Variants in NHSL1 observed in about 807,000 individuals in gnomAD.
NHSL1 encodes the protein NHS-like protein 1.
NHSL1 carries 48 observed loss-of-function variants against 95.0 expected under a neutral mutation model. The observed-to-expected ratio is 0.51, with a 90% CI of 0.40 to 0.64. The LOEUF is 0.64. Among genes scored for constraint, NHSL1 ranks in the 30% least tolerant of loss-of-function variants. The pLI is 0.00. For synonymous variants in NHSL1, 783 were observed against 833.9 expected (o/e 0.94, Z 1.05); for missense variants, 1,971 against 2,077.7 (o/e 0.95, Z 1.00).
In NHSL1 at chr6:138,430,913, G is replaced by C. The variant is rs755252121; in HGVS notation, c.3432C>G (p.Ser1144Arg). 1.9e-5 allele frequency: 30 copies of C among 1,551,380 alleles called. No individual in the cohort carries two copies. The African/African-American group carries it at 4.0e-4, about 21-fold the overall frequency. ...CACTGCCATGGTCACCCTGACTCGAGCTCTTGGCAGGCGTCGGAAGCGAGC... is the reference window on the plus strand; with the variant it reads ...CACTGCCATGGTCACCCTGACTCGACCTCTTGGCAGGCGTCGGAAGCGAGC... ...VTSSLPTPAK[S>R]SSQGDHGSAA... Residue 1144 changes from serine (S) to arginine (R), a missense_variant, in exon 6 of 8, where the codon AGC (serine) becomes AGG (arginine). This residue lies in a region of NHSL1 where 1,602 missense variants were observed against 1,654.5 expected (regional missense o/e 0.97). Transcript: ENST00000343505. This position sits in a 1 kb window ranked among gnomAD's most constrained non-coding sequence, Gnocchi z 4.7.
chr6:138,514,621 A>T (rs191098853), intron 1 of NHSL1, among the ~76,000 whole-genome samples: 2 of 152,204 alleles, frequency 1.3e-5, no homozygotes, highest in East Asian at 3.9e-4. Flanking sequence ...TCTCTCTCTC[A>T]AAATATCTTA....
At chr6:138,611,889 C>T (rs1197338120) in intron 1 of NHSL1, among the ~76,000 whole-genome samples, 2 of 151,942 alleles carry the variant, frequency 1.3e-5, no homozygotes, top group East Asian at 3.9e-4. Flanking sequence ...GCAGGTGGGT[C>T]ATCTGAGGTC....
intron 1 of NHSL1, among the ~76,000 whole-genome samples, chr6:138,674,233 T>C (rs1785418003): frequency 6.6e-6 from 1 of 152,188 alleles, no homozygotes; most frequent in African/African-American, 2.4e-5. Context: ...GAAAAGGATG[T>C]TGAATTGTAT....
chr6:138,514,356 T>C (rs1471721432), intron 1 of NHSL1, among the ~76,000 whole-genome samples: 9 of 150,850 alleles, frequency 6.0e-5, no homozygotes, highest in Non-Finnish European at 1.0e-4. Flanking sequence ...ACAAACTTTA[T>C]TCTTAGGATG....
At chr6:138,565,323 T>G (rs186925429) in intron 1 of NHSL1, among the ~76,000 whole-genome samples, 107 of 152,218 alleles carry the variant, frequency 7.0e-4, no homozygotes, top group Admixed American at 1.6e-3. Context: ...GCCAGGCTGG[T>G]CATGAACCCC....
chr6:138,492,330 C>G (rs1780127053), intron 2 of NHSL1, among the ~76,000 whole-genome samples: 1 of 152,196 alleles, frequency 6.6e-6, no homozygotes, highest in Non-Finnish European at 1.5e-5. Flanking sequence ...ACACCTCCAT[C>G]ACACTACTGC....
chr6:138,613,442 T>G (rs1784540151), intron 1 of NHSL1, among the ~76,000 whole-genome samples: 1 of 152,140 alleles, frequency 6.6e-6, no homozygotes, highest in African/African-American at 2.4e-5. Flanking sequence ...TGCTGACAAA[T>G]GCAGGCAAAG....
chr6:138,672,887 C>T lies in NHSL1; in HGVS notation c.96+19589G>A, dbSNP rs570760652. Among the ~76,000 whole-genome samples the T allele has an allele frequency of 2.0e-4, 30 of 152,072 alleles. No individual in the cohort carries two copies. In the East Asian group the frequency reaches 4.1e-3, roughly 21 times the overall value. Reference sequence around the variant, plus strand: ...CAAAAATTAGCTGGGCATGGTGGCACGCACTTGTAGTCCCAGCTACTCGGG... The same window carrying T: ...CAAAAATTAGCTGGGCATGGTGGCATGCACTTGTAGTCCCAGCTACTCGGG... On this transcript the variant is annotated intron_variant, in intron 1 of 3. Coordinates refer to the NHSL1 transcript ENST00000491526.
intron 4 of NHSL1, among the ~76,000 whole-genome samples, chr6:138,444,236 A>G (rs1264216070): frequency 1.3e-5 from 2 of 152,062 alleles, no homozygotes; most frequent in Non-Finnish European, 2.9e-5. Context: ...TGCCCAATTC[A>G]TGAATTGTTC....
At chr6:138,512,327 A>G (rs1260580021) in intron 1 of NHSL1, 1 of 455,742 alleles carries the variant, frequency 2.2e-6, no homozygotes, top group Non-Finnish European at 4.4e-6. Flanking sequence ...TCCAGACAAT[A>G]TATTACATTC....
At chr6:138,456,898 G>A (rs2128229729) in intron 3 of NHSL1, among the ~76,000 whole-genome samples, 1 of 149,846 alleles carries the variant, frequency 6.7e-6, no homozygotes, top group South Asian at 2.1e-4. Flanking sequence ...TTTTTTTTTG[G>A]AGATGGAGTC....
intron 1 of NHSL1, among the ~76,000 whole-genome samples, chr6:138,641,665 C>T (rs1784961456): frequency 6.6e-6 from 1 of 151,554 alleles, no homozygotes; most frequent in Non-Finnish European, 1.5e-5. Flanking sequence ...GTGGGGAACT[C>T]CTCTGCTTTC....
intron 3 of NHSL1, among the ~76,000 whole-genome samples, chr6:138,462,845 T>C: frequency 6.6e-6 from 1 of 152,086 alleles, no homozygotes; most frequent in Non-Finnish European, 1.5e-5. Context: ...GCCAGGAAAG[T>C]GGCAGAAGAA....
rs145694697 is a variant in NHSL1 at position 138,431,984 on chromosome 6, C to T, written c.2361G>A (p.Thr787=). Reference sequence around the variant, plus strand: ...GGTTCCCCGGATCTTCCTGCATGCCCGTGTAGTCAATGTAATAACCCCAGG... The same window carrying T: ...GGTTCCCCGGATCTTCCTGCATGCCTGTGTAGTCAATGTAATAACCCCAGG... ...TDPWGYYIDY[T]GMQEDPGNPA... is the part of the protein sequence containing the mutation. The change falls in exon 6 of 8, where the codon ACG becomes ACA. Residue 787 remains threonine, a synonymous_variant. Transcript: ENST00000343505. The surrounding 1 kb of genome is among the most constrained non-coding windows in gnomAD (Gnocchi z 4.0). 3.7e-4 allele frequency: 572 copies of T among 1,551,748 alleles called. 5 individuals are homozygous for T. In the East Asian group the frequency reaches 6.9e-3, roughly 19 times the overall value.
At chr6:138,462,193 G>A (rs534151369) in intron 3 of NHSL1, among the ~76,000 whole-genome samples, 1 of 152,164 alleles carries the variant, frequency 6.6e-6, no homozygotes, top group Non-Finnish European at 1.5e-5. Context: ...AAGAGTAGAG[G>A]TTTATTTAGC....
At chr6:138,688,621 C>T (rs987994436) in intron 1 of NHSL1, among the ~76,000 whole-genome samples, 2 of 151,746 alleles carry the variant, frequency 1.3e-5, no homozygotes, top group African/African-American at 4.8e-5. Context: ...CCATCCTGGG[C>T]GACAGAGTAA....
chr6:138,611,794 C>G (rs1028696458), intron 1 of NHSL1, among the ~76,000 whole-genome samples: 2 of 150,790 alleles, frequency 1.3e-5, no homozygotes, highest in African/African-American at 4.9e-5. Flanking sequence ...GCCTAAAGAC[C>G]TAGAAATAAA....
chr6:138,431,158 GC>G lies in NHSL1; in HGVS notation c.3186del (p.Arg1062SerfsTer6). The G allele has an allele frequency of 1.3e-6, 2 of 1,551,386 alleles. No homozygotes were observed. Among genetic ancestry groups the G allele is most frequent in the Non-Finnish European group, 1.7e-6 (2 of 1,146,724 alleles). ...RPPSTKEETS[R>X]PPMPLITTEA... is the part of the protein sequence containing the mutation. ...TCCGTGGTTATCAGGGGCATGGGGG[GC>G]CTGCTGGTCTCCTCCTTGGTAGAAG... is the stretch of plus-strand genomic sequence containing the variant. On this transcript the variant is annotated frameshift_variant, in exon 6 of 8. Coordinates refer to ENST00000343505, the MANE Select transcript of NHSL1 (RefSeq NM_001144060.2). LOFTEE classifies it high-confidence loss of function. The surrounding 1 kb of genome is among the most constrained non-coding windows in gnomAD (Gnocchi z 4.0).
intron 1 of NHSL1, among the ~76,000 whole-genome samples, chr6:138,672,611 T>G (rs1785387577): frequency 6.6e-6 from 1 of 152,208 alleles, no homozygotes; most frequent in Admixed American, 6.5e-5. Flanking sequence ...ACATAATAGC[T>G]AATTCAGAAC....
Sources: allele counts gnomAD v4.1 joint callset (sites outside exome capture counted in the v4.1 genomes callset), GRCh38; gene constraint gnomAD v4.1.1; regional missense constraint gnomAD v4.1.1; non-coding constraint Gnocchi (gnomAD v3.1); transcripts MANE v1.5; gene names NCBI Gene and HGNC (gene_info 2026-07-23, HGNC 2026-07-21).